SIL1: variants seen among roughly 807,000 people sequenced by gnomAD.
SIL1 encodes nucleotide exchange factor SIL1.
Under a neutral mutation model 49.1 loss-of-function variants are expected in SIL1, and 40 were observed. The ratio of observed to expected loss-of-function variants is 0.81; its 90% CI spans 0.63 to 1.06. SIL1 has a LOEUF of 1.06. Among genes scored for constraint, SIL1 ranks in the 50% least tolerant of loss-of-function variants. SIL1 has a pLI of 0.00. For missense variants in SIL1, 500 were observed against 572.6 expected (o/e 0.87, Z 1.29); for synonymous variants, 253 against 250.8 (o/e 1.01, Z -0.08).
intron 3 of SIL1, among the ~76,000 whole-genome samples, chr5:139,071,213 A>G (rs7702382): frequency 0.87 from 115,754 of 132,480 alleles, 49,574 homozygotes; most frequent in East Asian, 1. Flanking sequence ...AAAAAAAAGC[A>G]GGGGGTGGGG....
intron 3 of SIL1, among the ~76,000 whole-genome samples, chr5:139,072,337 A>T (rs1209552952): frequency 6.6e-6 from 1 of 152,252 alleles, no homozygotes; most frequent in Non-Finnish European, 1.5e-5. Context: ...CCTGCGAAAT[A>T]GAGATGAATT....
Position 139,006,628 on chromosome 5 carries a change from A to G in SIL1, c.767+14543T>C, listed in dbSNP as rs575474091. Among the ~76,000 whole-genome samples the G allele has an allele frequency of 8.3e-4, 126 of 151,368 alleles. 1 individual carries two copies. Among genetic ancestry groups the G allele is most frequent in the African/African-American group, 2.9e-3 (120 of 41,188 alleles). On this transcript the variant is annotated intron_variant, in intron 7 of 9. Transcript: ENST00000394817. ...TTTTTTTTTAATCCATCTTGAATTGATTTTTGTATAAGGTGTAAGGAAGGG... is the reference window on the plus strand; with the variant it reads ...TTTTTTTTTAATCCATCTTGAATTGGTTTTTGTATAAGGTGTAAGGAAGGG...
At position 139,196,882 on chromosome 5, in the gene SIL1, T is replaced by C. The variant is rs930483075; in HGVS notation, c.-11+1387A>G. On this transcript the variant is annotated intron_variant, in intron 1 of 9. Transcript: ENST00000394817. ...ATCCTACCCAATCCCCAAATCTGGC[T>C]ATACTTTTATCAGAAAAGAAAAAAA... Among the ~76,000 whole-genome samples, 4 of 152,230 alleles carry C rather than the reference T, an allele frequency of 2.6e-5. No individual in the cohort carries two copies. The East Asian group carries it at 7.7e-4, about 29-fold the overall frequency.
intron 1 of SIL1, among the ~76,000 whole-genome samples, chr5:139,152,457 CT>C (rs1278291965): frequency 6.6e-6 from 1 of 151,760 alleles, no homozygotes; most frequent in Non-Finnish European, 1.5e-5. Context: ...CCCACCTCTA[CT>C]AAAAATACAA....
At chr5:138,993,557 T>C (rs1160152829) in intron 7 of SIL1, among the ~76,000 whole-genome samples, 1 of 152,168 alleles carries the variant, frequency 6.6e-6, no homozygotes, top group African/African-American at 2.4e-5. Context: ...TATATACGAC[T>C]ATGTGTATGT....
At chr5:139,112,260 C>T (rs1487752395) in intron 3 of SIL1, among the ~76,000 whole-genome samples, 2 of 152,214 alleles carry the variant, frequency 1.3e-5, no homozygotes, top group African/African-American at 4.8e-5. Flanking sequence ...CTCTGCCCGG[C>T]CGCCACCCCG....
chr5:139,080,050 T>G (rs1770038573), intron 3 of SIL1, among the ~76,000 whole-genome samples: 1 of 152,050 alleles, frequency 6.6e-6, no homozygotes, highest in Non-Finnish European at 1.5e-5. Flanking sequence ...AACTGAAAGC[T>G]ACCAACTTTA....
In SIL1 at chr5:139,153,277, C is replaced by T. The variant is rs1751343536; in HGVS notation, c.-10-25424G>A. 2.0e-5 allele frequency among the ~76,000 whole-genome samples: 3 copies of T among 152,276 alleles called. No homozygotes were observed. The South Asian group carries it at 6.2e-4, about 32-fold the overall frequency. ...CCTAAAGGCTACAGCTTAAAAGACA[C>T]TTCCGCTTTGAGGCCTTCCCCAACC... is the stretch of plus-strand genomic sequence containing the variant. On this transcript the variant is annotated intron_variant, in intron 1 of 9. Coordinates refer to ENST00000394817, the MANE Select transcript of SIL1 (RefSeq NM_022464.5).
At chr5:139,174,723 A>G (rs1751842525) in intron 1 of SIL1, among the ~76,000 whole-genome samples, 1 of 151,982 alleles carries the variant, frequency 6.6e-6, no homozygotes, top group East Asian at 1.9e-4. Flanking sequence ...AGATCACCTG[A>G]GGTCAGGAGT....
At chr5:139,030,235 C>T (rs1014125168) in intron 5 of SIL1, among the ~76,000 whole-genome samples, 5 of 151,962 alleles carry the variant, frequency 3.3e-5, no homozygotes, top group African/African-American at 9.7e-5. Flanking sequence ...AAGGTCAAGG[C>T]AGGTGGATCA....
At chr5:138,993,163 T>A (rs1270172121) in intron 7 of SIL1, among the ~76,000 whole-genome samples, 3 of 152,220 alleles carry the variant, frequency 2.0e-5, no homozygotes, top group Non-Finnish European at 4.4e-5. Flanking sequence ...TGACAGCTTC[T>A]GGGATCCCCT....
intron 1 of SIL1, among the ~76,000 whole-genome samples, chr5:139,136,105 G>A (rs1750969882): frequency 1.3e-5 from 2 of 152,034 alleles, no homozygotes; most frequent in Non-Finnish European, 2.9e-5. Flanking sequence ...CAAGCAGAGT[G>A]ACTGAATAAA....
chr5:139,046,492 C>T (rs971370756), intron 4 of SIL1, among the ~76,000 whole-genome samples: 12 of 152,196 alleles, frequency 7.9e-5, no homozygotes, highest in African/African-American at 2.9e-4. Context: ...TCACCTTGAT[C>T]ATTTTCTTGC....
intron 7 of SIL1, among the ~76,000 whole-genome samples, chr5:138,974,679 C>G (rs2150394902): frequency 6.6e-6 from 1 of 152,308 alleles, no homozygotes; most frequent in Non-Finnish European, 1.5e-5. Flanking sequence ...GCCCCTGTTT[C>G]CGGGCCTGGG....
chr5:139,008,509 G>C (rs1189325037), intron 7 of SIL1, among the ~76,000 whole-genome samples: 14 of 135,322 alleles, frequency 1.0e-4, no homozygotes, highest in Non-Finnish European at 2.0e-4. Context: ...GCTAGCTTTT[G>C]AATGTGTTTG....
intron 7 of SIL1, among the ~76,000 whole-genome samples, chr5:138,987,745 T>C (rs191914749): frequency 6.6e-6 from 1 of 152,334 alleles, no homozygotes; most frequent in African/African-American, 2.4e-5. Flanking sequence ...AGCATGACCA[T>C]GGAAAGGGCC....
intron 1 of SIL1, among the ~76,000 whole-genome samples, chr5:139,143,344 C>CACATATATAT (rs1451727500): frequency 6.2e-5 from 6 of 97,532 alleles, no homozygotes; most frequent in African/African-American, 3.3e-4. Context: ...CACACACACA[C>CACATATATAT]ATATATATAT....
chr5:139,142,777 A>T (rs559559676), intron 1 of SIL1, among the ~76,000 whole-genome samples: 15 of 150,638 alleles, frequency 1.0e-4, no homozygotes, highest in East Asian at 3.9e-4. Context: ...TTATTTATTT[A>T]TTTTTTTTTG....
intron 3 of SIL1, among the ~76,000 whole-genome samples, chr5:139,059,050 T>C (rs766061737): frequency 2.6e-5 from 4 of 152,012 alleles, no homozygotes; most frequent in Non-Finnish European, 5.9e-5. Flanking sequence ...CACACAAATG[T>C]TAATTATATA....
Sources: allele counts gnomAD v4.1 joint callset (sites outside exome capture counted in the v4.1 genomes callset), GRCh38; gene constraint gnomAD v4.1.1; transcripts MANE v1.5; gene names NCBI Gene and HGNC (gene_info 2026-07-23, HGNC 2026-07-21).